MTUS2: variants seen among roughly 807,000 people sequenced by gnomAD.
MTUS2 encodes microtubule associated scaffold protein 2, also known as microtubule-associated tumor suppressor candidate 2.
A neutral mutation model predicts 114.1 loss-of-function variants in MTUS2; 40 were observed. The observed-to-expected ratio is 0.35, with a 90% confidence interval of 0.27 to 0.46. The LOEUF is 0.46. Among genes scored for constraint, MTUS2 ranks in the 20% least tolerant of loss-of-function variants. MTUS2 has a pLI of 1.00. For synonymous variants in MTUS2, 688 were observed against 672.0 expected (o/e 1.02, Z -0.37); for missense variants, 1,679 against 1,705.4 (o/e 0.98, Z 0.27).
chr13:28,910,004 G>A (rs1353816975), intron 2 of MTUS2, among the ~76,000 whole-genome samples: 6 of 152,150 alleles, frequency 3.9e-5, no homozygotes, highest in African/African-American at 4.8e-5. Flanking sequence ...TGGGGTATCC[G>A]TTCCTTCAAG....
In MTUS2 at chr13:29,505,079, C is replaced by G. The variant is rs947134132; in HGVS notation, c.*1873C>G. ...TCCACATGGAAACACCACCATTTCT[C>G]TTTGCTTTAGTGGCTCTGCATGATA... On this transcript the variant is annotated 3_prime_UTR_variant, in exon 16 of 16. Transcript: ENST00000612955. The G allele has an allele frequency of 1.7e-5, 4 of 232,120 alleles. No homozygotes were observed. The highest frequency in any genetic ancestry group is 8.8e-5 in the African/African-American group (4 of 45,262). The allele number at this position is 232,120 out of a possible 1,614,324, so 14.4% of individuals were successfully genotyped here.
intron 2 of MTUS2, among the ~76,000 whole-genome samples, chr13:29,004,813 G>A (rs1009984702): frequency 2.0e-5 from 3 of 152,192 alleles, no homozygotes; most frequent in Admixed American, 6.5e-5. Context: ...TGGGATCCTC[G>A]TCTGAAGGAG....
intron 2 of MTUS2, among the ~76,000 whole-genome samples, chr13:28,918,459 A>G (rs1001367529): frequency 1.8e-4 from 27 of 151,872 alleles, no homozygotes; most frequent in South Asian, 1.3e-3. Flanking sequence ...CTTGAAATCT[A>G]TTTTATCTGA....
rs183426600 is a variant in MTUS2, at chr13:28,944,463, G to C, written c.-242-79994G>C. Reference sequence around the variant, plus strand: ...CTAAATTTTAGGTATAGATATTACAGAGTGCTAGCTAGTAAGTCCCAACCA... The same window carrying C: ...CTAAATTTTAGGTATAGATATTACACAGTGCTAGCTAGTAAGTCCCAACCA... On this transcript the variant is annotated intron_variant, in intron 2 of 15. Coordinates refer to ENST00000612955, the MANE Select transcript of MTUS2 (RefSeq NM_001033602.4). 3.9e-5 allele frequency among the ~76,000 whole-genome samples: 6 copies of C among 152,254 alleles called. No individual in the cohort carries two copies. The East Asian group carries it at 1.2e-3, about 29-fold the overall frequency.
chr13:28,826,156 C>A (rs753729910), intron 1 of MTUS2, among the ~76,000 whole-genome samples: 3 of 152,108 alleles, frequency 2.0e-5, no homozygotes, highest in Non-Finnish European at 2.9e-5. Flanking sequence ...TGTAACCAAG[C>A]ACTTTTCAAG....
intron 8 of MTUS2, among the ~76,000 whole-genome samples, chr13:29,419,397 A>G (rs1282241239): frequency 6.6e-6 from 1 of 152,100 alleles, no homozygotes; most frequent in Non-Finnish European, 1.5e-5. Flanking sequence ...AGAGGTTGAT[A>G]CCATTGATAC....
intron 2 of MTUS2, among the ~76,000 whole-genome samples, chr13:28,857,501 T>A (rs1876710605): frequency 6.6e-6 from 1 of 152,162 alleles, no homozygotes; most frequent in South Asian, 2.1e-4. Flanking sequence ...AGGGTTTTCA[T>A]ATCAAGAGGC....
intron 5 of MTUS2, among the ~76,000 whole-genome samples, chr13:29,178,625 C>G (rs1262946067): frequency 2.0e-5 from 3 of 151,812 alleles, no homozygotes; most frequent in Non-Finnish European, 4.4e-5. Flanking sequence ...CCAGATGTCC[C>G]TTGGGGGAGC....
intron 8 of MTUS2, among the ~76,000 whole-genome samples, chr13:29,385,858 C>A (rs1185162723): frequency 1.3e-5 from 2 of 152,118 alleles, no homozygotes; most frequent in African/African-American, 2.4e-5. Flanking sequence ...CTGATAAAAC[C>A]TTTCCTAGCA....
At chr13:29,043,630 GAT>G (rs368476644) in intron 4 of MTUS2, among the ~76,000 whole-genome samples, 12 of 148,896 alleles carry the variant, frequency 8.1e-5, no homozygotes, top group African/African-American at 9.8e-5. Context: ...CAGTGTTAGA[GAT>G]ATATATATAT....
intron 2 of MTUS2, among the ~76,000 whole-genome samples, chr13:28,955,133 GCCCTTTCT>G (rs1254960844): frequency 6.6e-6 from 1 of 152,140 alleles, no homozygotes; most frequent in Admixed American, 6.5e-5. Flanking sequence ...CAAAGACTTT[GCCCTTTCT>G]AACCTATGAC....
At chr13:29,318,381 A>G (rs1572338) in intron 6 of MTUS2, among the ~76,000 whole-genome samples, 1 of 58,546 alleles carries the variant, frequency 1.7e-5, no homozygotes, top group Non-Finnish European at 3.2e-5. Context: ...ATCATTTGTT[A>G]TTTCTTTTTC....
intron 2 of MTUS2, among the ~76,000 whole-genome samples, chr13:28,878,136 T>C (rs552870336): frequency 4.9e-4 from 75 of 152,068 alleles, no homozygotes; most frequent in Non-Finnish European, 9.9e-4. Context: ...TGACGTTTAG[T>C]CTAATTTGGT....
At chr13:28,911,862 T>TG (rs2138015665) in intron 2 of MTUS2, among the ~76,000 whole-genome samples, 1 of 151,118 alleles carries the variant, frequency 6.6e-6, no homozygotes, top group African/African-American at 2.4e-5. Context: ...TTTTTTTTTT[T>TG]TGTAAATTTG....
intron 2 of MTUS2, among the ~76,000 whole-genome samples, chr13:29,004,229 T>A (rs781136803): frequency 2.2e-4 from 34 of 152,224 alleles, no homozygotes; most frequent in Non-Finnish European, 8.8e-5. Flanking sequence ...TGTACATGCA[T>A]TAACTGAAAA....
intron 7 of MTUS2, among the ~76,000 whole-genome samples, chr13:29,342,592 T>C (rs1901455516): frequency 6.6e-6 from 1 of 152,158 alleles, no homozygotes; most frequent in Non-Finnish European, 1.5e-5. Flanking sequence ...TATACCATTA[T>C]GTCATTGGTG....
intron 4 of MTUS2, among the ~76,000 whole-genome samples, chr13:29,070,489 G>A (rs1310220201): frequency 2.0e-5 from 3 of 152,048 alleles, no homozygotes; most frequent in African/African-American, 7.2e-5. Flanking sequence ...GGTAACACCA[G>A]TTGGGTAAAT....
chr13:29,453,646 T>G (rs1378255659), intron 9 of MTUS2, among the ~76,000 whole-genome samples: 3 of 152,224 alleles, frequency 2.0e-5, no homozygotes, highest in Non-Finnish European at 2.9e-5. Context: ...AACAAATGAT[T>G]CTTCCATACA....
intron 5 of MTUS2, among the ~76,000 whole-genome samples, chr13:29,130,455 T>C (rs1891710648): frequency 1.3e-5 from 2 of 152,152 alleles, no homozygotes. Flanking sequence ...TTCTAGCCTT[T>C]GCCCAATCTC....
Sources: gnomAD v4.1 joint callset for allele counts (sites outside exome capture counted in the v4.1 genomes callset) on GRCh38, gnomAD v4.1.1 for gene constraint, MANE v1.5 for transcripts, NCBI Gene and HGNC (gene_info 2026-07-23, HGNC 2026-07-21) for gene names.